C16orf74: variants seen among roughly 807,000 people sequenced by gnomAD.
The protein encoded by C16orf74 is calcimembrin.
C16orf74 carries 10 observed loss-of-function variants against 6.5 expected under a neutral mutation model. The observed-to-expected ratio is 1.54, with a 90% CI of 0.95 to 2.61. The LOEUF is 2.61. Among genes scored for constraint, C16orf74 ranks in the 30% most tolerant of loss-of-function variants. C16orf74 has a pLI of 0.00. For missense variants in C16orf74, 141 were observed against 105.9 expected (o/e 1.33, Z -1.45); for synonymous variants, 60 against 42.5 (o/e 1.41, Z -1.60).
At chr16:85,733,991 C>G (rs984109328) in intron 2 of C16orf74, among the ~76,000 whole-genome samples, 3 of 152,324 alleles carry the variant, frequency 2.0e-5, no homozygotes, top group African/African-American at 7.2e-5. Context: ...TTCCTCCCAG[C>G]CTGGGAATCT....
rs114172853 is a variant in C16orf74, at chr16:85,750,412, G to A, written c.-19+514C>T. On this transcript the variant is annotated intron_variant, in intron 1 of 3. Transcript: ENST00000284245. ...GGAGAAGGAGCGCGTGCGTCCACAC[G>A]GGTCGCCCTTCGCGGTTGCAAACCT... 3.8e-3 allele frequency among the ~76,000 whole-genome samples: 577 copies of A among 152,336 alleles called. 6 individuals are homozygous for A. The highest frequency in any genetic ancestry group is 0.013 in the African/African-American group (540 of 41,580).
intron 1 of C16orf74, among the ~76,000 whole-genome samples, chr16:85,749,078 G>A (rs1008920313): frequency 6.6e-6 from 1 of 151,776 alleles, no homozygotes; most frequent in Non-Finnish European, 1.5e-5. Context: ...ACTGTGCCTG[G>A]GCCCCATCAT....
chr16:85,730,215 A>C (rs1473400426), intron 2 of C16orf74, among the ~76,000 whole-genome samples: 3 of 152,108 alleles, frequency 2.0e-5, no homozygotes, highest in East Asian at 3.9e-4. Flanking sequence ...CACTCTGCTG[A>C]GTGGGTTCAG....
intron 1 of C16orf74, among the ~76,000 whole-genome samples, chr16:85,744,653 A>AT (rs1221175921): frequency 6.6e-6 from 1 of 151,840 alleles, no homozygotes; most frequent in Non-Finnish European, 1.5e-5. Context: ...ACACGGTGAA[A>AT]CCCTGTCTCT....
rs114336529 is a variant in C16orf74 at position 85,722,375 on chromosome 16, G to C, written c.29-12068C>G. On this transcript the variant is annotated intron_variant, in intron 2 of 3. Coordinates refer to ENST00000284245, the MANE Select transcript of C16orf74 (RefSeq NM_206967.3). ...GAACGTTGCTACTTGAGCGAACTGGGAGTATCCCAGGGGAACATGGGCCCT... is the reference window on the plus strand; with the variant it reads ...GAACGTTGCTACTTGAGCGAACTGGCAGTATCCCAGGGGAACATGGGCCCT... 1.7e-3 allele frequency among the ~76,000 whole-genome samples: 255 copies of C among 152,340 alleles called. 1 individual carries two copies. The highest frequency in any genetic ancestry group is 5.8e-3 in the African/African-American group (241 of 41,574).
intron 1 of C16orf74, among the ~76,000 whole-genome samples, 162 bp downstream of exon 1, chr16:85,750,764 G>A (rs1020274987): frequency 3.9e-5 from 6 of 152,272 alleles, no homozygotes; most frequent in Middle Eastern, 3.4e-3. Context: ...AGAAGTTGGG[G>A]GGACGCCCGG....
chr16:85,725,554 G>C (rs1267718505), intron 2 of C16orf74, among the ~76,000 whole-genome samples: 2 of 152,226 alleles, frequency 1.3e-5, no homozygotes, highest in African/African-American at 4.8e-5. Context: ...TGGAGGTTTA[G>C]ACTCCTGGGC....
intron 2 of C16orf74, among the ~76,000 whole-genome samples, chr16:85,727,096 G>A (rs1004450364): frequency 2.0e-5 from 3 of 152,204 alleles, no homozygotes; most frequent in Non-Finnish European, 2.9e-5. Context: ...CTGTAGCCCC[G>A]GCACCTGGGC....
intron 2 of C16orf74, among the ~76,000 whole-genome samples, chr16:85,726,698 A>G (rs1250689603): frequency 6.6e-6 from 1 of 152,112 alleles, no homozygotes; most frequent in Non-Finnish European, 1.5e-5. Flanking sequence ...CACTGCTGAA[A>G]TGTATTAGTG....
At chr16:85,725,835 C>G (rs1023686472) in intron 2 of C16orf74, among the ~76,000 whole-genome samples, 7 of 152,150 alleles carry the variant, frequency 4.6e-5, no homozygotes, top group African/African-American at 1.7e-4. Flanking sequence ...AACTCCTGAC[C>G]TCAAGCAATC....
intron 2 of C16orf74, among the ~76,000 whole-genome samples, chr16:85,731,850 C>G (rs889474463): frequency 6.6e-6 from 1 of 152,132 alleles, no homozygotes; most frequent in East Asian, 1.9e-4. Context: ...GCCACCATTC[C>G]CTGATAATTT....
intron 1 of C16orf74, among the ~76,000 whole-genome samples, chr16:85,740,439 A>G (rs1157260857): frequency 6.6e-6 from 1 of 151,568 alleles, no homozygotes; most frequent in Non-Finnish European, 1.5e-5. Flanking sequence ...GCGGTGGCTC[A>G]CGCCTGTAAT....
chr16:85,724,312 CCA>C lies in C16orf74; in HGVS notation c.28+10876_28+10877del, dbSNP rs565770326. On this transcript the variant is annotated intron_variant, in intron 2 of 3. Transcript: ENST00000284245. ...GGCTCATTCCTCACCTTTGTCCATC[CCA>C]CAGATACTTCTAGAGCACGTGGTGC... is the stretch of plus-strand genomic sequence containing the variant. Among the ~76,000 whole-genome samples the C allele has an allele frequency of 2.2e-3, 332 of 152,298 alleles. 1 individual carries two copies. The highest frequency in any genetic ancestry group is 3.9e-3 in the Non-Finnish European group (266 of 68,026).
intron 1 of C16orf74, among the ~76,000 whole-genome samples, chr16:85,740,672 A>G (rs1355164715): frequency 1.4e-5 from 2 of 138,084 alleles, no homozygotes; most frequent in Non-Finnish European, 1.5e-5. Context: ...AGCGTGGGGC[A>G]CAGAGCGAGA....
At chr16:85,750,799 C>G (rs2054429216) in intron 1 of C16orf74, 127 bp downstream of exon 1, 1 of 152,088 alleles carries the variant, frequency 6.6e-6, no homozygotes, top group Non-Finnish European at 1.5e-5. Context: ...CCCACCGACC[C>G]CCGGGCCGCG....
intron 1 of C16orf74, chr16:85,743,356 G>C (rs2152066256): frequency 6.6e-6 from 1 of 152,228 alleles, no homozygotes; most frequent in East Asian, 1.9e-4. Context: ...CAAATTCTGG[G>C]CCAAGTTTGC....
chr16:85,719,976 G>A (rs1044111786), intron 2 of C16orf74, among the ~76,000 whole-genome samples: 8 of 152,332 alleles, frequency 5.3e-5, no homozygotes, highest in South Asian at 4.1e-4. Context: ...AGAGATGACC[G>A]GGTGTCTGGA....
At chr16:85,747,166 A>G (rs902896858) in intron 1 of C16orf74, among the ~76,000 whole-genome samples, 5 of 152,266 alleles carry the variant, frequency 3.3e-5, no homozygotes, top group African/African-American at 1.2e-4. Flanking sequence ...GTGAAATAAT[A>G]GAGCTGAACA....
rs749961558 is a variant in C16orf74 at position 85,707,966 on chromosome 16, C to G, written c.*42G>C. 9 of 1,533,066 alleles carry G rather than the reference C, an allele frequency of 5.9e-6. No homozygotes were observed. Among genetic ancestry groups the G allele is most frequent in the Non-Finnish European group, 7.1e-6 (8 of 1,131,888 alleles). The allele number at this position is 1,533,066 out of a possible 1,614,324, so 95.0% of individuals were successfully genotyped here. A position where few individuals can be genotyped will look rare whatever the true frequency, so the allele number is the denominator to read the frequency against. On this transcript the variant is annotated 3_prime_UTR_variant, in exon 4 of 4. Coordinates refer to ENST00000284245, the MANE Select transcript of C16orf74 (RefSeq NM_206967.3). ...ACGCCCCCGGACACCTGAAGCCGGGCCGCTGGAGCAGGAGCCAGCCAGCCA... is the reference window on the plus strand; with the variant it reads ...ACGCCCCCGGACACCTGAAGCCGGGGCGCTGGAGCAGGAGCCAGCCAGCCA...
Sources: allele counts gnomAD v4.1 joint callset (sites outside exome capture counted in the v4.1 genomes callset), GRCh38; gene constraint gnomAD v4.1.1; transcripts MANE v1.5; gene names NCBI Gene and HGNC (gene_info 2026-07-23, HGNC 2026-07-21).